C3orf49: variants seen among roughly 807,000 people sequenced by gnomAD.
C3orf49 encodes putative uncharacterized protein C3orf49.
A neutral mutation model predicts 13.3 loss-of-function variants in C3orf49; 27 were observed. The ratio of observed to expected loss-of-function variants is 2.02; its 90% CI spans 1.49 to 2.79. C3orf49 has a LOEUF of 2.79. Among genes scored for constraint, C3orf49 ranks in the 30% most tolerant of loss-of-function variants. C3orf49 has a pLI of 0.00. For synonymous variants in C3orf49, 87 were observed against 47.6 expected (o/e 1.83, Z -3.40); for missense variants, 242 against 134.2 (o/e 1.80, Z -3.97).
the C3orf49 span, among the ~76,000 whole-genome samples, chr3:63,809,869 C>G: frequency 6.6e-6 from 1 of 152,058 alleles, no homozygotes; most frequent in Non-Finnish European, 1.5e-5. Context: ...AATGGCAGGC[C>G]GGGTGCAGTG....
chr3:63,840,945 TA>T (rs1559603939), intron 5 of C3orf49, among the ~76,000 whole-genome samples: 1 of 152,238 alleles, frequency 6.6e-6, no homozygotes, highest in African/African-American at 2.4e-5. Flanking sequence ...GTTTGTCCTA[TA>T]GAAGTGCACT....
chr3:63,806,340 T>A, the C3orf49 span, among the ~76,000 whole-genome samples: 1 of 152,238 alleles, frequency 6.6e-6, no homozygotes, highest in Non-Finnish European at 1.5e-5. Flanking sequence ...TCTGGGTGTT[T>A]CCTGGGATCA....
At position 63,820,623 on chromosome 3, in the gene C3orf49, C is replaced by T. The variant is rs541924436; in HGVS notation, c.125+1027C>T. On this transcript the variant is annotated intron_variant, in intron 1 of 6. Transcript: ENST00000295896. ...AAACTGTATTTGCATTGTTCTGTGT[C>T]ACAGTATGTGTATGTGTGTACATGT... Among the ~76,000 whole-genome samples the T allele has an allele frequency of 1.9e-4, 29 of 152,226 alleles. 1 individual carries two copies. The East Asian group carries it at 4.8e-3, about 25-fold the overall frequency.
At chr3:63,787,445 G>C in the C3orf49 span, among the ~76,000 whole-genome samples, 1 of 152,084 alleles carries the variant, frequency 6.6e-6, no homozygotes, top group Admixed American at 6.6e-5. Context: ...TTCAATTTCG[G>C]TGTCACACAG....
At chr3:63,842,712 AGAGGGGT>A (rs1262677357) in intron 5 of C3orf49, among the ~76,000 whole-genome samples, 1 of 152,104 alleles carries the variant, frequency 6.6e-6, no homozygotes, top group Non-Finnish European at 1.5e-5. Context: ...GGAGGCTGGG[AGAGGGGT>A]GAGGGAAAAA....
upstream of C3orf49, among the ~76,000 whole-genome samples, chr3:63,815,689 T>A (rs531687692): frequency 7.4e-4 from 113 of 152,304 alleles, no homozygotes; most frequent in African/African-American, 2.6e-3. Context: ...TCTTGATGAT[T>A]TTGGAGGAGT....
chr3:63,782,922 T>C, the C3orf49 span: 1 of 152,188 alleles, frequency 6.6e-6, no homozygotes, highest in South Asian at 2.1e-4. Context: ...TCAAAACAAT[T>C]TAATGACTAT....
At chr3:63,781,893 G>C in the C3orf49 span, among the ~76,000 whole-genome samples, 1 of 151,966 alleles carries the variant, frequency 6.6e-6, no homozygotes, top group African/African-American at 2.4e-5. Flanking sequence ...ACCATTTTTT[G>C]TCCCCATTTT....
At chr3:63,839,507 G>A in intron 5 of C3orf49, 5 of 723,096 alleles carry the variant, frequency 6.9e-6, no homozygotes, top group Non-Finnish European at 2.4e-6. Flanking sequence ...GAGAAGAAAA[G>A]GCCAAGAAAA....
At chr3:63,814,664 T>G (rs748352433), upstream of C3orf49, among the ~76,000 whole-genome samples, 13 of 152,084 alleles carry the variant, frequency 8.5e-5, no homozygotes, top group Non-Finnish European at 1.5e-4. Context: ...CTCCAAGCCA[T>G]GTCCTGTGAA....
intron 5 of C3orf49, chr3:63,835,494 A>G: frequency 1.0e-6 from 1 of 985,780 alleles, no homozygotes; most frequent in Non-Finnish European, 1.5e-6. Context: ...AAATAAAAAA[A>G]GGGCTTATAA....
intron 5 of C3orf49, among the ~76,000 whole-genome samples, chr3:63,841,966 A>G (rs1393267647): frequency 6.6e-6 from 1 of 152,156 alleles, no homozygotes; most frequent in East Asian, 1.9e-4. Context: ...CTCCAACTGT[A>G]TTGAGGACTG....
intron 6 of C3orf49, among the ~76,000 whole-genome samples, chr3:63,847,684 C>A (rs1701927735): frequency 6.7e-6 from 1 of 149,608 alleles, no homozygotes; most frequent in Non-Finnish European, 1.5e-5. Flanking sequence ...TTGCAGTGAG[C>A]CAAGATCGTG....
chr3:63,848,231 T>C (rs947240543), intron 6 of C3orf49, 133 bp from the exon 7 acceptor site: 1 of 152,198 alleles, frequency 6.6e-6, no homozygotes, highest in Non-Finnish European at 1.5e-5. Context: ...GTCTGGCACC[T>C]TTTTAAGTCT....
intron 5 of C3orf49, among the ~76,000 whole-genome samples, chr3:63,843,300 T>C (rs1008684233): frequency 7.2e-5 from 11 of 151,906 alleles, no homozygotes; most frequent in South Asian, 2.1e-4. Flanking sequence ...GTATTTCCAG[T>C]AGAGATGGGG....
At chr3:63,800,281 A>C in the C3orf49 span, among the ~76,000 whole-genome samples, 1 of 152,148 alleles carries the variant, frequency 6.6e-6, no homozygotes, top group Non-Finnish European at 1.5e-5. Flanking sequence ...TCAGTAAATG[A>C]CTGTGCCTGG....
chr3:63,825,051 CA>C (rs1210696662), intron 2 of C3orf49, among the ~76,000 whole-genome samples: 1 of 152,098 alleles, frequency 6.6e-6, no homozygotes, highest in Non-Finnish European at 1.5e-5. Flanking sequence ...TTATAGTTTA[CA>C]TTAGGGTTCC....
At chr3:63,828,335 T>C (rs141464708) in intron 3 of C3orf49, among the ~76,000 whole-genome samples, 412 of 152,346 alleles carry the variant, frequency 2.7e-3, no homozygotes, top group Non-Finnish European at 4.3e-3. Flanking sequence ...AGTCTCACTC[T>C]GTCGCCCAGG....
chr3:63,817,676 C>T (rs763593663), upstream of C3orf49, among the ~76,000 whole-genome samples: 2 of 152,108 alleles, frequency 1.3e-5, no homozygotes, highest in Non-Finnish European at 2.9e-5. Context: ...ACCCCCTTCC[C>T]ACTCCTTCTA....
Sources: gnomAD v4.1 joint callset for allele counts (sites outside exome capture counted in the v4.1 genomes callset) on GRCh38, gnomAD v4.1.1 for gene constraint, MANE v1.5 for transcripts, NCBI Gene and HGNC (gene_info 2026-07-23, HGNC 2026-07-21) for gene names.